AFF3: variants seen among roughly 807,000 people sequenced by gnomAD.
AFF3 encodes ALF transcription elongation factor 3.
AFF3 carries 32 observed loss-of-function variants against 129.7 expected under a neutral mutation model. The ratio of observed to expected loss-of-function variants is 0.25; its 90% confidence interval spans 0.19 to 0.33. The LOEUF is 0.33. AFF3 is among the 10% of genes least tolerant of loss of function. AFF3 has a pLI of 1.00. For missense variants in AFF3, 1,373 were observed against 1,592.0 expected, an observed-to-expected ratio of 0.86 and a Z score of 2.34; for synonymous variants, 644 against 635.4, an observed-to-expected ratio of 1.01 and a Z score of -0.20.
chr2:99,585,940 A>C (rs961527127), intron 16 of AFF3, among the ~76,000 whole-genome samples: 3 of 152,120 alleles, frequency 2.0e-5, no homozygotes, highest in African/African-American at 7.2e-5. Flanking sequence ...CATATTGGCC[A>C]GGCTGGTCTT....
chr2:99,942,443 C>G (rs1468735582), intron 7 of AFF3, among the ~76,000 whole-genome samples: 1 of 147,770 alleles, frequency 6.8e-6, no homozygotes, highest in Non-Finnish European at 1.5e-5. Flanking sequence ...GGATGATGTG[C>G]TAGTGAGTGA....
intron 11 of AFF3, among the ~76,000 whole-genome samples, chr2:99,674,443 A>G (rs1687436602): frequency 6.6e-6 from 1 of 152,174 alleles, no homozygotes; most frequent in Non-Finnish European, 1.5e-5. Context: ...CCCTTCCCCA[A>G]GACTGTTTTC....
At chr2:99,906,519 T>C (rs1269275346) in intron 7 of AFF3, among the ~76,000 whole-genome samples, 1 of 152,166 alleles carries the variant, frequency 6.6e-6, no homozygotes, top group African/African-American at 2.4e-5. Flanking sequence ...CAGGTCTTTC[T>C]GTGAAGTTAT....
chr2:99,814,077 A>G (rs959245750), intron 8 of AFF3, among the ~76,000 whole-genome samples: 1 of 152,188 alleles, frequency 6.6e-6, no homozygotes, highest in African/African-American at 2.4e-5. Flanking sequence ...GAGGGTCTAC[A>G]AGGGTTGAAG....
At chr2:99,823,844 T>C (rs554069281) in intron 8 of AFF3, among the ~76,000 whole-genome samples, 2 of 152,272 alleles carry the variant, frequency 1.3e-5, no homozygotes, top group South Asian at 2.1e-4. Context: ...AGTGAATTAA[T>C]GCAGGAACAG....
At chr2:100,137,013 A>G (rs11686599) in intron 1 of AFF3, among the ~76,000 whole-genome samples, 37,290 of 151,938 alleles carry the variant, frequency 0.25, 4,933 homozygotes, top group East Asian at 0.56. Context: ...TTTCTTACTG[A>G]CCTTTTTCTT....
chr2:99,865,706 G>T (rs569917903), intron 7 of AFF3, among the ~76,000 whole-genome samples: 132 of 152,240 alleles, frequency 8.7e-4, no homozygotes, highest in African/African-American at 3.1e-3. Context: ...CAAAGAAGGA[G>T]ACAACCCTGT....
intron 11 of AFF3, among the ~76,000 whole-genome samples, chr2:99,710,219 T>C (rs1185302540): frequency 6.6e-6 from 1 of 152,248 alleles, no homozygotes; most frequent in East Asian, 1.9e-4. Flanking sequence ...TTTTATAAAG[T>C]ATTTAATACA....
At chr2:100,023,227 A>G (rs1490344739) in intron 4 of AFF3, among the ~76,000 whole-genome samples, 2 of 152,196 alleles carry the variant, frequency 1.3e-5, no homozygotes, top group African/African-American at 2.4e-5. Context: ...AGGATAAACA[A>G]TACGTGAGAT....
intron 2 of AFF3, among the ~76,000 whole-genome samples, chr2:100,111,807 A>G (rs1010593007): frequency 6.6e-6 from 1 of 152,218 alleles, no homozygotes; most frequent in Non-Finnish European, 1.5e-5. Flanking sequence ...GAAGCTTGAA[A>G]GTTGGGAGAA....
At chr2:100,130,111 C>T (rs11692215) in intron 1 of AFF3, among the ~76,000 whole-genome samples, 38,362 of 152,050 alleles carry the variant, frequency 0.25, 5,178 homozygotes, top group East Asian at 0.56. Flanking sequence ...TCAGTAGCTC[C>T]CTGTCAGTTG....
chr2:99,719,810 G>A (rs1678723832), intron 11 of AFF3, among the ~76,000 whole-genome samples: 1 of 152,178 alleles, frequency 6.6e-6, no homozygotes, highest in Admixed American at 6.5e-5. Flanking sequence ...AGCACTTTGT[G>A]AGGCCGAGGA....
intron 9 of AFF3, among the ~76,000 whole-genome samples, chr2:99,749,186 G>C (rs1308634123): frequency 6.6e-6 from 1 of 152,132 alleles, no homozygotes; most frequent in African/African-American, 2.4e-5. Flanking sequence ...ATATAACTTG[G>C]TAACTATTGA....
At chr2:99,856,236 A>G (rs546865729) in intron 7 of AFF3, among the ~76,000 whole-genome samples, 5 of 148,730 alleles carry the variant, frequency 3.4e-5, no homozygotes, top group South Asian at 4.1e-4. Context: ...CCTTTGTTGT[A>G]ATAAATATAC....
At chr2:99,921,462 CCAAA>C (rs1695852700) in intron 7 of AFF3, among the ~76,000 whole-genome samples, 1 of 151,976 alleles carries the variant, frequency 6.6e-6, no homozygotes, top group South Asian at 2.1e-4. Context: ...TTGTTGAAAT[CCAAA>C]CAAAGTCTGT....
intron 7 of AFF3, among the ~76,000 whole-genome samples, chr2:99,971,377 C>T (rs1236971694): frequency 6.6e-6 from 1 of 152,196 alleles, no homozygotes; most frequent in African/African-American, 2.4e-5. Flanking sequence ...CATCTCATCC[C>T]ATTCCCTAAA....
chr2:99,747,140 T>C (rs1681233278), intron 9 of AFF3, among the ~76,000 whole-genome samples: 1 of 152,130 alleles, frequency 6.6e-6, no homozygotes, highest in Non-Finnish European at 1.5e-5. Flanking sequence ...GCAATTCTTT[T>C]GCCTCAGCAT....
rs1553394567 is a variant in AFF3, at chr2:99,592,937, C to CG, written c.2466+257_2466+258insC. 9.1e-3 allele frequency among the ~76,000 whole-genome samples: 803 copies of CG among 88,500 alleles called. 9 individuals carry two copies. Among genetic ancestry groups the CG allele is most frequent in the Non-Finnish European group, 0.016 (666 of 41,974 alleles). The allele number at this position is 88,500 out of a possible 152,430, so 58.1% of individuals were successfully genotyped here. ...GGCGACAGAGTGAGACTCCCTCCCC[C>CG]CCCCCCAAAAAAAGGGATAATAATG... On this transcript the variant is annotated intron_variant, in intron 15 of 24. Coordinates refer to ENST00000672756, the MANE Select transcript of AFF3 (RefSeq NM_001386135.1).
chr2:99,723,939 G>A (rs752430288), intron 11 of AFF3, among the ~76,000 whole-genome samples: 38 of 152,140 alleles, frequency 2.5e-4, no homozygotes, highest in Non-Finnish European at 2.8e-4. Flanking sequence ...TCACCTACAA[G>A]CGAAGGAGAG....
Sources: allele counts gnomAD v4.1 joint callset (sites outside exome capture counted in the v4.1 genomes callset), GRCh38; gene constraint gnomAD v4.1.1; transcripts MANE v1.5; gene names NCBI Gene and HGNC (gene_info 2026-07-23, HGNC 2026-07-21).